The following STON2 variants were observed in gnomAD, a reference collection of about 807,000 sequenced individuals.
STON2 encodes stonin-2.
In STON2, 29 loss-of-function variants were observed where a neutral mutation model predicts 65.7. The observed-to-expected ratio is 0.44, with a 90% CI of 0.33 to 0.60. The LOEUF (loss-of-function observed/expected upper bound fraction) is 0.60. Ranked by LOEUF, STON2 falls within the 20% of genes least tolerant of loss-of-function variation. STON2 has a pLI of 0.03. For synonymous variants in STON2, 404 were observed against 414.2 expected (o/e 0.98, Z 0.30); for missense variants, 1,054 against 1,118.1 (o/e 0.94, Z 0.82).
intron 7 of STON2, chr14:81,269,291 C>G: frequency 1.0e-6 from 1 of 984,582 alleles, no homozygotes; most frequent in Non-Finnish European, 1.2e-6. Context: ...CAGCCATGAG[C>G]CACAGCACCC....
intron 4 of STON2, among the ~76,000 whole-genome samples, chr14:81,352,324 C>G (rs540607547): frequency 2.6e-5 from 4 of 152,138 alleles, no homozygotes; most frequent in African/African-American, 9.7e-5. Flanking sequence ...CTGTTGGTGA[C>G]TAAGTGGAAG....
intron 5 of STON2, among the ~76,000 whole-genome samples, chr14:81,312,775 C>T (rs1896475770): frequency 6.6e-6 from 1 of 152,192 alleles, no homozygotes; most frequent in African/African-American, 2.4e-5. Flanking sequence ...AGGAACCTGC[C>T]AATCCTTTTG....
At chr14:81,424,753 A>AG (rs1166207107) in intron 2 of STON2, among the ~76,000 whole-genome samples, 1 of 152,180 alleles carries the variant, frequency 6.6e-6, no homozygotes, top group Non-Finnish European at 1.5e-5. Flanking sequence ...GTTTTTTCCA[A>AG]GTTGATAGAA....
intron 2 of STON2, among the ~76,000 whole-genome samples, chr14:81,416,375 G>A (rs1309037687): frequency 2.0e-5 from 3 of 152,170 alleles, no homozygotes; most frequent in South Asian, 2.1e-4. Flanking sequence ...GGAGACCTTA[G>A]AAATTTCGGG....
In STON2 at chr14:81,264,572, C is replaced by T. The variant is rs1208310341; in HGVS notation, c.*3842G>A. On this transcript the variant is annotated 3_prime_UTR_variant, in exon 8 of 8. Transcript: ENST00000614646. ...ATATAGTCCTTGCCTTCATGGATCCCATTTATCAGAAACATAAGTTTCTAG... is the reference window on the plus strand; with the variant it reads ...ATATAGTCCTTGCCTTCATGGATCCTATTTATCAGAAACATAAGTTTCTAG... 4.1e-6 allele frequency: 4 copies of T among 984,516 alleles called. No homozygotes were observed. Among genetic ancestry groups the T allele is most frequent in the South Asian group, 9.4e-5 (2 of 21,266 alleles). 61.0% of individuals were successfully genotyped at this position (984,516 alleles called of 1,614,324 possible).
intron 5 of STON2, among the ~76,000 whole-genome samples, chr14:81,312,036 C>T (rs1045096677): frequency 2.0e-5 from 3 of 152,216 alleles, no homozygotes; most frequent in Non-Finnish European, 2.9e-5. Context: ...CACATGCCCA[C>T]GCTTGTGTAC....
In STON2 at chr14:81,413,165, G is replaced by A. The variant is rs537660557; in HGVS notation, c.-199+13937C>T. 104 of 1,468,362 alleles carry A rather than the reference G, an allele frequency of 7.1e-5. 21 individuals carry two copies. The South Asian group carries it at 1.1e-3, about 15-fold the overall frequency. The allele number at this position is 1,468,362 out of a possible 1,614,324, so 91.0% of individuals were successfully genotyped here. ...CGTGGGGAGGAACTTCAGTAGTTAC[G>A]TGACACATGAAACCAAACACTTCAT... On this transcript the variant is annotated intron_variant, in intron 2 of 8. Transcript: ENST00000553821.
chr14:81,262,395 T>C lies in STON2; in HGVS notation c.*6019A>G, dbSNP rs1894185280. ...GACCAGAGTAGACATTTGATAAATA[T>C]TTGTTGAGTTGAATTAATCCTGCCA... On this transcript the variant is annotated 3_prime_UTR_variant, in exon 8 of 8. Transcript: ENST00000614646. 1.0e-6 allele frequency: 1 copy of C among 985,204 alleles called. No individual in the cohort carries two copies. The highest frequency in any genetic ancestry group is 1.7e-5 in the African/African-American group (1 of 57,242). The allele number at this position is 985,204 out of a possible 1,614,324, so 61.0% of individuals were successfully genotyped here. A position where few individuals can be genotyped will look rare whatever the true frequency, so the allele number is the denominator to read the frequency against.
intron 2 of STON2, among the ~76,000 whole-genome samples, chr14:81,396,399 T>C (rs1039990458): frequency 2.0e-5 from 3 of 152,226 alleles, no homozygotes; most frequent in African/African-American, 7.2e-5. Flanking sequence ...GTCAGTATCC[T>C]GGCAGGCAGA....
At chr14:81,281,761 A>G (rs529842548) in intron 5 of STON2, among the ~76,000 whole-genome samples, 4 of 152,254 alleles carry the variant, frequency 2.6e-5, no homozygotes, top group African/African-American at 9.6e-5. Context: ...AATCACGCCA[A>G]GTCCTAAACA....
intron 4 of STON2, among the ~76,000 whole-genome samples, chr14:81,353,237 A>C (rs1027159415): frequency 5.3e-5 from 8 of 152,236 alleles, no homozygotes; most frequent in Non-Finnish European, 1.0e-4. Flanking sequence ...CACACTAGTC[A>C]CATCCATGTG....
intron 4 of STON2, among the ~76,000 whole-genome samples, chr14:81,370,470 A>G (rs1336404759): frequency 6.6e-6 from 1 of 152,230 alleles, no homozygotes; most frequent in Non-Finnish European, 1.5e-5. Flanking sequence ...TTGCCGATTG[A>G]TGTATCACTC....
At chr14:81,298,415 G>GC (rs1555396822) in intron 5 of STON2, among the ~76,000 whole-genome samples, 10 of 39,238 alleles carry the variant, frequency 2.5e-4, no homozygotes, top group Non-Finnish European at 5.2e-4. Context: ...TGCTTCAGAT[G>GC]GGGGGGGGGA....
chr14:81,371,000 C>T lies in STON2; in HGVS notation c.559G>A (p.Ala187Thr). The T allele has an allele frequency of 6.2e-7, 1 of 1,612,558 alleles. No homozygotes were observed. The highest frequency in any genetic ancestry group is 2.1e-4 in the Middle Eastern group (1 of 4,824). Residue 187 changes from alanine to threonine, a missense_variant, in exon 4 of 8, where the codon GCT (alanine) becomes ACT (threonine). Ala to Thr is a moderately conservative substitution (Grantham distance 58). Coordinates refer to ENST00000614646, the MANE Select transcript of STON2 (RefSeq NM_001394390.1). ...EEQTSGQASG[A>T]DSTDKRTEWQ... ...AGCTCCATCTTACCAGTTGAGTCAG[C>T]CCCAGAAGCCTGGCCACTCGTCTGC...
intron 3 of STON2, among the ~76,000 whole-genome samples, chr14:81,388,282 A>ATC (rs1410229423): frequency 6.6e-6 from 1 of 152,098 alleles, no homozygotes; most frequent in African/African-American, 2.4e-5. Flanking sequence ...GAGACTGTAT[A>ATC]TCTCCTTTTT....
chr14:81,395,788 G>C (rs754362357), intron 3 of STON2, 106 bp downstream of exon 3: 59 of 1,163,122 alleles, frequency 5.1e-5, no homozygotes, highest in Non-Finnish European at 7.0e-5. Context: ...CAGTGCTTCA[G>C]GGTTAGGGGG....
Position 81,277,404 on chromosome 14 carries a change from G to C in STON2, c.2078C>G (p.Thr693Ser), listed in dbSNP as rs768315791. 46 of 1,614,172 alleles carry C rather than the reference G, an allele frequency of 2.8e-5. No homozygotes were observed. The South Asian group carries it at 4.7e-4, about 17-fold the overall frequency. The stretch of plus-strand genomic sequence containing the variant: ...CTCATGGAGCTTGATCCACTTTGTG[G>C]TGGTGGTGGGCATGATGTCCTGCCT... ...VLRQDIMPTT[T>S]TKWIKLHECR... Residue 693 changes from threonine to serine, a missense_variant, in exon 6 of 8, where the codon ACC becomes AGC. Transcript: ENST00000614646.
At chr14:81,433,306 C>G (rs1423690684) in intron 1 of STON2, among the ~76,000 whole-genome samples, 1 of 152,224 alleles carries the variant, frequency 6.6e-6, no homozygotes, top group East Asian at 1.9e-4. Context: ...CCCTCATCGC[C>G]TCTTGCTTTT....
intron 5 of STON2, among the ~76,000 whole-genome samples, chr14:81,323,317 T>G (rs574668559): frequency 6.6e-6 from 1 of 152,290 alleles, no homozygotes; most frequent in African/African-American, 2.4e-5. Flanking sequence ...AAAACCTGCT[T>G]CCCAGCCTCC....
Sources: gnomAD v4.1 joint callset for allele counts (sites outside exome capture counted in the v4.1 genomes callset) on GRCh38, gnomAD v4.1.1 for gene constraint, MANE v1.5 for transcripts, NCBI Gene and HGNC (gene_info 2026-07-23, HGNC 2026-07-21) for gene names.